SPATS2L: variants seen among roughly 807,000 people sequenced by gnomAD.
The protein encoded by SPATS2L is spermatogenesis associated serine rich 2 like.
SPATS2L carries 30 observed loss-of-function variants against 59.6 expected under a neutral mutation model. That is an observed-to-expected ratio of 0.50 (90% CI 0.38 to 0.68). The LOEUF is 0.68. Among genes scored for constraint, SPATS2L ranks in the 30% least tolerant of loss-of-function variants. The pLI is 0.00. For synonymous variants in SPATS2L, 252 were observed against 263.5 expected (o/e 0.96, Z 0.42); for missense variants, 615 against 700.0 (o/e 0.88, Z 1.37).
At chr2:200,372,639 A>G (rs1318714261) in intron 2 of SPATS2L, among the ~76,000 whole-genome samples, 1 of 152,144 alleles carries the variant, frequency 6.6e-6, no homozygotes, top group Non-Finnish European at 1.5e-5. Flanking sequence ...CCCTCTAAAT[A>G]ATTTTTAAGC....
chr2:200,360,206 T>C (rs1054271136), intron 2 of SPATS2L, among the ~76,000 whole-genome samples: 7 of 152,240 alleles, frequency 4.6e-5, no homozygotes, highest in African/African-American at 1.7e-4. Context: ...GTCAGCTAAC[T>C]GGTCCACCCA....
At position 200,479,633 on chromosome 2, in the gene SPATS2L, A is replaced by G; in HGVS notation, c.*1602A>G. 2.5e-6 allele frequency: 1 copy of G among 398,634 alleles called. No individual in the cohort carries two copies. The highest frequency in any genetic ancestry group is 4.4e-6 in the Non-Finnish European group (1 of 226,064). The allele number at this position is 398,634 out of a possible 1,614,324, so 24.7% of individuals were successfully genotyped here. A position where few individuals can be genotyped will look rare whatever the true frequency, so the allele number is the denominator to read the frequency against. On this transcript the variant is annotated 3_prime_UTR_variant, in exon 13 of 13. Coordinates refer to ENST00000409140, the MANE Select transcript of SPATS2L (RefSeq NM_001100423.2). ...CCTAACTTTGACTACAGGGCAGTCC[A>G]GTTTGGGTGCCGCTTCCGTTGCACT...
chr2:200,435,777 T>C (rs2084246377), intron 6 of SPATS2L, among the ~76,000 whole-genome samples: 2 of 152,196 alleles, frequency 1.3e-5, no homozygotes, highest in African/African-American at 4.8e-5. Context: ...TTGTGTATCC[T>C]ATTAGTGTTA....
chr2:200,317,614 T>C (rs1267798291), intron 1 of SPATS2L, among the ~76,000 whole-genome samples: 1 of 152,182 alleles, frequency 6.6e-6, no homozygotes, highest in African/African-American at 2.4e-5. Flanking sequence ...CTTCACATTT[T>C]GCCTAAGTCC....
intron 12 of SPATS2L, among the ~76,000 whole-genome samples, chr2:200,476,011 A>G (rs3769432): frequency 0.14 from 21,061 of 152,102 alleles, 1,621 homozygotes; most frequent in Admixed American, 0.17. Context: ...AACTAACTTA[A>G]AGGGTGATTC....
At chr2:200,403,199 G>A (rs948464080) in intron 3 of SPATS2L, among the ~76,000 whole-genome samples, 1 of 152,210 alleles carries the variant, frequency 6.6e-6, no homozygotes, top group African/African-American at 2.4e-5. Flanking sequence ...CAAGGCAGGT[G>A]CAGGTCTCAC....
chr2:200,443,940 A>G (rs938488394), intron 8 of SPATS2L, among the ~76,000 whole-genome samples: 12 of 152,224 alleles, frequency 7.9e-5, no homozygotes, highest in Admixed American at 7.9e-4. Context: ...ATGTAAAATC[A>G]AAGTTGGCAT....
At chr2:200,451,474 C>A (rs2085439300) in intron 8 of SPATS2L, among the ~76,000 whole-genome samples, 2 of 152,294 alleles carry the variant, frequency 1.3e-5, no homozygotes, top group African/African-American at 2.4e-5. Flanking sequence ...GGAAAGCCTA[C>A]TTAGAATAAC....
chr2:200,320,459 T>A (rs1027783825), intron 1 of SPATS2L, among the ~76,000 whole-genome samples: 3 of 152,240 alleles, frequency 2.0e-5, no homozygotes, highest in African/African-American at 7.2e-5. Flanking sequence ...CTTTACAGAA[T>A]CATTACTCTT....
intron 1 of SPATS2L, among the ~76,000 whole-genome samples, chr2:200,325,254 C>T (rs762221899): frequency 6.6e-6 from 1 of 152,170 alleles, no homozygotes; most frequent in East Asian, 1.9e-4. Context: ...CTTTCTCTAT[C>T]CTCAAATAGA....
At position 200,454,128 on chromosome 2, in the gene SPATS2L, A is replaced by C. The variant is rs543615648; in HGVS notation, c.789-5641A>C. Reference sequence around the variant, plus strand: ...GGTCCCCGGCAATTCCTCTCACTCTAGTCTCCCTGAGGCAAATGCATGGAA... The same window carrying C: ...GGTCCCCGGCAATTCCTCTCACTCTCGTCTCCCTGAGGCAAATGCATGGAA... On this transcript the variant is annotated intron_variant, in intron 8 of 12. Coordinates refer to ENST00000409140, the MANE Select transcript of SPATS2L (RefSeq NM_001100423.2). Among the ~76,000 whole-genome samples, 6 of 152,282 alleles carry C rather than the reference A, an allele frequency of 3.9e-5. No homozygotes were observed. In the Middle Eastern group the frequency reaches 0.01, roughly 259 times the overall value.
chr2:200,452,499 TATG>T (rs1454856587), intron 8 of SPATS2L, among the ~76,000 whole-genome samples: 2 of 152,202 alleles, frequency 1.3e-5, no homozygotes, highest in African/African-American at 2.4e-5. Flanking sequence ...CCTCAGACAG[TATG>T]ATGAACAATT....
At chr2:200,458,681 C>G (rs940745924) in intron 8 of SPATS2L, among the ~76,000 whole-genome samples, 1 of 151,652 alleles carries the variant, frequency 6.6e-6, no homozygotes, top group Admixed American at 6.6e-5. Context: ...AAGAGTCAAT[C>G]AACCAATTGG....
intron 1 of SPATS2L, among the ~76,000 whole-genome samples, chr2:200,312,903 A>T (rs554274613): frequency 1.8e-4 from 27 of 152,266 alleles, no homozygotes; most frequent in Non-Finnish European, 3.5e-4. Context: ...GATTCAGAAC[A>T]AAGTGAATAC....
At chr2:200,425,510 C>T (rs966595514) in intron 6 of SPATS2L, among the ~76,000 whole-genome samples, 3 of 152,000 alleles carry the variant, frequency 2.0e-5, no homozygotes, top group Non-Finnish European at 4.4e-5. Flanking sequence ...GGTGTGTGAC[C>T]CTGGACAGGT....
Position 200,420,093 on chromosome 2 carries a change from CATTA to C in SPATS2L, c.445+602_445+605del, listed in dbSNP as rs1391151119. Among the ~76,000 whole-genome samples, 9 of 152,176 alleles carry C rather than the reference CATTA, an allele frequency of 5.9e-5. No homozygotes were observed. In the East Asian group the frequency reaches 1.5e-3, roughly 26 times the overall value. ...TCTTCCAGGGTGTTAGAATCTGGAA[CATTA>C]ATTATTTGTGCTATAGCTATATATT... On this transcript the variant is annotated intron_variant, in intron 6 of 12. Transcript: ENST00000409140.
intron 6 of SPATS2L, among the ~76,000 whole-genome samples, chr2:200,435,056 C>G (rs2084188570): frequency 6.6e-6 from 1 of 152,098 alleles, no homozygotes; most frequent in Non-Finnish European, 1.5e-5. Flanking sequence ...TGGGAAAGTT[C>G]AATTCAGATT....
chr2:200,383,393 C>G (rs1205914608), intron 2 of SPATS2L, among the ~76,000 whole-genome samples: 1 of 152,116 alleles, frequency 6.6e-6, no homozygotes, highest in East Asian at 1.9e-4. Flanking sequence ...AATGAGACAG[C>G]TTATATTCCT....
intron 2 of SPATS2L, among the ~76,000 whole-genome samples, chr2:200,353,674 TA>T (rs879549973): frequency 2.3e-3 from 333 of 145,098 alleles, no homozygotes; most frequent in African/African-American, 4.6e-3. Context: ...AGCTTATCCC[TA>T]AAAAAAAAAA....
Sources: gnomAD v4.1 joint callset for allele counts (sites outside exome capture counted in the v4.1 genomes callset) on GRCh38, gnomAD v4.1.1 for gene constraint, MANE v1.5 for transcripts, NCBI Gene and HGNC (gene_info 2026-07-23, HGNC 2026-07-21) for gene names.